The following DMD variants were observed in gnomAD, a reference collection of about 807,000 sequenced individuals.
DMD encodes dystrophin.
In DMD, 63 loss-of-function variants were observed where a neutral mutation model predicts 330.1. The observed-to-expected ratio is 0.19, with a 90% confidence interval of 0.16 to 0.24. DMD has a LOEUF of 0.24. DMD is among the 10% of genes least tolerant of loss of function. The pLI is 1.00. For synonymous variants in DMD, 1,223 were observed against 959.8 expected (o/e 1.27, Z -5.07); for missense variants, 3,344 against 2,684.1 (o/e 1.25, Z -5.43).
At chrX:32,546,233 T>C (rs1386907590) in intron 16 of DMD, among the ~76,000 whole-genome samples, 1 of 105,805 alleles carries the variant, frequency 9.5e-6, no homozygotes, top group Non-Finnish European at 1.9e-5. Context: ...AGAGCTCCTC[T>C]CATGACGATT....
At chrX:31,850,066 G>T (rs775009170) in intron 48 of DMD, among the ~76,000 whole-genome samples, 1 of 110,232 alleles carries the variant, frequency 9.1e-6, no homozygotes, top group Non-Finnish European at 1.9e-5. Context: ...CCTCTGATAG[G>T]CCCCATTGTG....
intron 71 of DMD, among the ~76,000 whole-genome samples, chrX:31,175,853 G>A (rs1184596933): frequency 9.0e-6 from 1 of 111,129 alleles, no homozygotes; most frequent in Non-Finnish European, 1.9e-5. Context: ...AAAGAATATC[G>A]TTTGACTGGC....
intron 2 of DMD, among the ~76,000 whole-genome samples, chrX:32,948,917 C>T (rs888471564): frequency 4.5e-5 from 5 of 110,897 alleles, no homozygotes; most frequent in African/African-American, 1.3e-4. Flanking sequence ...ATTTTAGAGA[C>T]GATAAAATTA....
At chrX:32,024,353 T>C (rs2095829735) in intron 44 of DMD, among the ~76,000 whole-genome samples, 1 of 109,144 alleles carries the variant, frequency 9.2e-6, no homozygotes, top group Non-Finnish European at 1.9e-5. Flanking sequence ...GGCATGGTGG[T>C]GGGCACCTAT....
At chrX:32,721,922 C>T (rs1327016337) in intron 7 of DMD, among the ~76,000 whole-genome samples, 1 of 108,226 alleles carries the variant, frequency 9.2e-6, no homozygotes, top group African/African-American at 3.4e-5. Context: ...ACTGTCCTTT[C>T]CCCACATATC....
At chrX:33,160,064 A>C (rs997421853) in intron 1 of DMD, among the ~76,000 whole-genome samples, 4 of 111,415 alleles carry the variant, frequency 3.6e-5, no homozygotes, top group Non-Finnish European at 7.5e-5. Flanking sequence ...TTTTCACTTT[A>C]AGTACAGTAC....
intron 44 of DMD, among the ~76,000 whole-genome samples, chrX:32,019,651 C>T (rs977184960): frequency 1.8e-5 from 2 of 111,774 alleles, no homozygotes; most frequent in Non-Finnish European, 1.9e-5. Flanking sequence ...CTTATTTGTT[C>T]TAAAACTTCC....
intron 1 of DMD, among the ~76,000 whole-genome samples, chrX:33,134,811 T>C (rs937468072): frequency 3.6e-5 from 4 of 112,231 alleles, no homozygotes; most frequent in Non-Finnish European, 7.5e-5. Flanking sequence ...AGCCCATTAA[T>C]TTATAACTGG....
intron 1 of DMD, among the ~76,000 whole-genome samples, chrX:33,280,784 T>C: frequency 8.9e-6 from 1 of 112,313 alleles, no homozygotes; most frequent in South Asian, 3.7e-4. Context: ...TCTGTTTCAC[T>C]GATATATGAG....
chrX:32,915,179 G>A (rs994778663), intron 2 of DMD, among the ~76,000 whole-genome samples: 1 of 112,036 alleles, frequency 8.9e-6, no homozygotes, highest in African/African-American at 3.2e-5. Flanking sequence ...TGAGGAAGCT[G>A]TGCTTTATGT....
At chrX:32,796,401 G>GT (rs771082576) in intron 7 of DMD, among the ~76,000 whole-genome samples, 2 of 111,548 alleles carry the variant, frequency 1.8e-5, no homozygotes, top group African/African-American at 6.5e-5. Flanking sequence ...ATATATAGGT[G>GT]TAAAAAAAGT....
intron 20 of DMD, 64 bp downstream of exon 20, chrX:32,491,213 T>C: frequency 1.7e-6 from 2 of 1,167,813 alleles, no homozygotes; most frequent in South Asian, 1.8e-5. Context: ...GTTACTGTCT[T>C]CTTGGAAATT....
At chrX:31,631,398 C>T (rs2079126863) in intron 54 of DMD, among the ~76,000 whole-genome samples, 1 of 111,195 alleles carries the variant, frequency 9.0e-6, no homozygotes, top group African/African-American at 3.3e-5. Flanking sequence ...CAAAGTTACC[C>T]ACTATGTCCC....
intron 50 of DMD, among the ~76,000 whole-genome samples, chrX:31,778,397 G>T (rs2149261537): frequency 9.0e-6 from 1 of 110,797 alleles, no homozygotes; most frequent in African/African-American, 3.3e-5. Context: ...AGAAGCAAGA[G>T]GCTAATCTTC....
At chrX:31,691,833 T>C (rs1325018766) in intron 52 of DMD, among the ~76,000 whole-genome samples, 1 of 111,978 alleles carries the variant, frequency 8.9e-6, no homozygotes, top group African/African-American at 3.2e-5. Context: ...AACATAATAA[T>C]AGCAGGCAAT....
intron 44 of DMD, among the ~76,000 whole-genome samples, chrX:32,009,033 CAT>C (rs2150395636): frequency 9.0e-6 from 1 of 111,333 alleles, no homozygotes; most frequent in African/African-American, 3.3e-5. Context: ...AGATTAATAA[CAT>C]AGCGGTATAG....
At chrX:32,245,753 GCT>G (rs1441720884) in intron 43 of DMD, among the ~76,000 whole-genome samples, 5 of 91,381 alleles carry the variant, frequency 5.5e-5, no homozygotes, top group Non-Finnish European at 1.1e-4. Context: ...TCATGATTTG[GCT>G]CTCTGTTTGT....
At chrX:32,731,351 G>T (rs1219602551) in intron 7 of DMD, among the ~76,000 whole-genome samples, 1 of 112,586 alleles carries the variant, frequency 8.9e-6, no homozygotes, top group Non-Finnish European at 1.9e-5. Flanking sequence ...ACCCGCCATT[G>T]CCTAGGCTTG....
At chrX:32,910,139 C>T (rs73466809) in intron 2 of DMD, among the ~76,000 whole-genome samples, 1,730 of 111,525 alleles carry the variant, frequency 0.016, 29 homozygotes, top group African/African-American at 0.053. Flanking sequence ...CACACACACG[C>T]GGCACAATAA....
Sources: gnomAD v4.1 joint callset for allele counts (sites outside exome capture counted in the v4.1 genomes callset) on GRCh38, gnomAD v4.1.1 for gene constraint, MANE v1.5 for transcripts, NCBI Gene and HGNC (gene_info 2026-07-23, HGNC 2026-07-21) for gene names.